Variants in GTPBP10 observed in about 807,000 individuals in gnomAD.
The protein encoded by GTPBP10 is GTP binding protein 10.
GTPBP10 carries 38 observed loss-of-function variants against 44.8 expected under a neutral mutation model. The observed-to-expected ratio is 0.85, with a 90% CI of 0.65 to 1.11. The LOEUF is 1.11. Among genes scored for constraint, GTPBP10 ranks in the 50% most tolerant of loss-of-function variants. The pLI, the probability that GTPBP10 is intolerant of heterozygous loss-of-function variation, is 0.00. For missense variants in GTPBP10, 462 were observed against 453.7 expected (o/e 1.02, Z -0.17); for synonymous variants, 152 against 150.6 (o/e 1.01, Z -0.07).
At chr7:90,359,948 T>C (rs1439941758) in intron 4 of GTPBP10, among the ~76,000 whole-genome samples, 1 of 152,228 alleles carries the variant, frequency 6.6e-6, no homozygotes, top group Non-Finnish European at 1.5e-5. Flanking sequence ...TTTTGAGAAG[T>C]GTCTGTTCAT....
intron 4 of GTPBP10, among the ~76,000 whole-genome samples, chr7:90,367,942 T>C (rs1796170017): frequency 6.6e-6 from 1 of 152,260 alleles, no homozygotes; most frequent in Non-Finnish European, 1.5e-5. Context: ...CCATGTTTAG[T>C]GCTTCCTTTA....
At chr7:90,360,137 A>C (rs556359903) in intron 4 of GTPBP10, among the ~76,000 whole-genome samples, 164 of 151,990 alleles carry the variant, frequency 1.1e-3, no homozygotes, top group African/African-American at 3.7e-3. Flanking sequence ...GAAGCTCTTT[A>C]GTTTAATTAG....
intron 4 of GTPBP10, among the ~76,000 whole-genome samples, chr7:90,356,676 TTTG>T (rs1452222594): frequency 6.6e-6 from 1 of 152,182 alleles, no homozygotes; most frequent in African/African-American, 2.4e-5. Context: ...ACTATAGTTT[TTTG>T]CTTTTCACCA....
rs934619251 is a variant in GTPBP10, at chr7:90,365,612, G to A, written c.465-6543G>A. On this transcript the variant is annotated intron_variant, in intron 4 of 9. Transcript: ENST00000222511. ...GGGATGGTCTCGATCTCCTGACCTC[G>A]TGATCCGCCCACCTCGGCCTCCCAA... 1.4e-4 allele frequency among the ~76,000 whole-genome samples: 21 copies of A among 152,008 alleles called. No individual in the cohort carries two copies. In the South Asian group the frequency reaches 3.7e-3, roughly 27 times the overall value.
chr7:90,363,174 A>G (rs979890530), intron 4 of GTPBP10, among the ~76,000 whole-genome samples: 11 of 152,160 alleles, frequency 7.2e-5, no homozygotes, highest in Non-Finnish European at 1.3e-4. Context: ...TGGTCCTGTC[A>G]TTATGATGTT....
intron 4 of GTPBP10, among the ~76,000 whole-genome samples, chr7:90,364,613 C>G (rs1254320179): frequency 6.6e-6 from 1 of 152,202 alleles, no homozygotes; most frequent in East Asian, 1.9e-4. Flanking sequence ...TGTCCGTTCT[C>G]AGTTCTCAAA....
intron 7 of GTPBP10, 25 bp downstream of exon 7, chr7:90,377,639 A>C: frequency 7.2e-7 from 1 of 1,384,290 alleles, no homozygotes; most frequent in Non-Finnish European, 9.9e-7. Flanking sequence ...TACTAATGTG[A>C]TATTCAAATA....
rs1195662732 is a variant in GTPBP10, at chr7:90,357,804, G to C, written c.464+2574G>C. Among the ~76,000 whole-genome samples, 4 of 152,042 alleles carry C rather than the reference G, an allele frequency of 2.6e-5. No homozygotes were observed. In the South Asian group the frequency reaches 6.2e-4, roughly 24 times the overall value. The stretch of plus-strand genomic sequence containing the variant: ...CCTAGTACTGTCTTTCATACATGGT[G>C]GGCCTTTCTTGAGGGAAATTTAGCA... On this transcript the variant is annotated intron_variant, in intron 4 of 9. Coordinates refer to ENST00000222511, the MANE Select transcript of GTPBP10 (RefSeq NM_033107.4).
intron 3 of GTPBP10, 30 bp from the exon 4 acceptor site, chr7:90,355,056 G>A: frequency 7.0e-7 from 1 of 1,428,096 alleles, no homozygotes; most frequent in East Asian, 2.4e-5. Flanking sequence ...ATTAATCTTT[G>A]CTGTAAGTAT....
rs1795825665 is a variant in GTPBP10, at chr7:90,353,089, T to G, written c.227+80T>G. The G allele has an allele frequency of 3.5e-6, 3 of 869,364 alleles. No individual in the cohort carries two copies. In the East Asian group the frequency reaches 8.2e-5, roughly 24 times the overall value. The allele number at this position is 869,364 out of a possible 1,614,324, so 53.9% of individuals were successfully genotyped here. A position where few individuals can be genotyped will look rare whatever the true frequency, so the allele number is the denominator to read the frequency against. On this transcript the variant is annotated intron_variant, in intron 2 of 9. Coordinates refer to ENST00000222511, the MANE Select transcript of GTPBP10 (RefSeq NM_033107.4). ...TTTTTTTTAGTTACAAAATAAAAAC[T>G]TAATTGTTAATTTGAAGTAAATTAT...
Position 90,390,855 on chromosome 7 carries a change from T to G in GTPBP10, c.*5701T>G, listed in dbSNP as rs940421827. 1 of 152,152 alleles carries G rather than the reference T, an allele frequency of 6.6e-6. No homozygotes were observed. The highest frequency in any genetic ancestry group is 1.5e-5 in the Non-Finnish European group (1 of 68,016). 9.4% of individuals were successfully genotyped at this position (152,152 alleles called of 1,614,324 possible). Reference sequence around the variant, plus strand: ...TAAGAAGACTATAGTATAATTTTCTTAAGAAAAAAGACATGATTATAAGCT... The same window carrying G: ...TAAGAAGACTATAGTATAATTTTCTGAAGAAAAAAGACATGATTATAAGCT... On this transcript the variant is annotated 3_prime_UTR_variant, in exon 10 of 10. Transcript: ENST00000222511.
At chr7:90,382,338 G>C (rs1796447395) in intron 8 of GTPBP10, among the ~76,000 whole-genome samples, 1 of 152,012 alleles carries the variant, frequency 6.6e-6, no homozygotes, top group Non-Finnish European at 1.5e-5. Context: ...GGCTTGTCTT[G>C]AACTCCTGGG....
At chr7:90,381,045 G>A (rs1796427811) in intron 8 of GTPBP10, among the ~76,000 whole-genome samples, 1 of 152,142 alleles carries the variant, frequency 6.6e-6, no homozygotes, top group South Asian at 2.1e-4. Context: ...GATGGACACT[G>A]AGGTTGATTC....
At chr7:90,348,877 C>G (rs1795735167) in intron 1 of GTPBP10, among the ~76,000 whole-genome samples, 2 of 152,182 alleles carry the variant, frequency 1.3e-5, no homozygotes, top group African/African-American at 2.4e-5. Context: ...GCCAGATTAT[C>G]TAATGTTCGT....
intron 4 of GTPBP10, among the ~76,000 whole-genome samples, chr7:90,357,228 A>C (rs1354496873): frequency 6.6e-6 from 1 of 152,176 alleles, no homozygotes; most frequent in Non-Finnish European, 1.5e-5. Context: ...TTATTCAGTC[A>C]TTAGCATCAT....
intron 4 of GTPBP10, among the ~76,000 whole-genome samples, chr7:90,357,403 CA>C (rs779354618): frequency 1.1e-4 from 16 of 152,044 alleles, no homozygotes. Flanking sequence ...CTGGATGAAA[CA>C]GGGTATGAAA....
chr7:90,349,294 C>T (rs1039541744), intron 1 of GTPBP10, among the ~76,000 whole-genome samples: 4 of 152,124 alleles, frequency 2.6e-5, no homozygotes, highest in African/African-American at 9.7e-5. Flanking sequence ...CGTAGAAAAT[C>T]ATGTTTAATG....
chr7:90,354,607 AATG>A (rs1795858218), intron 3 of GTPBP10, 58 bp downstream of exon 3: 2 of 835,886 alleles, frequency 2.4e-6, no homozygotes, highest in African/African-American at 1.8e-5. Context: ...AAAATGAAAC[AATG>A]GAATAGCTTC....
In GTPBP10 at chr7:90,383,042, G is replaced by A. The variant is rs373493133; in HGVS notation, c.864G>A (p.Lys288=). 108 of 1,593,870 alleles carry A rather than the reference G, an allele frequency of 6.8e-5. No homozygotes were observed. The highest frequency in any genetic ancestry group is 8.9e-5 in the Non-Finnish European group (104 of 1,167,602). The change falls in exon 9 of 10, where the codon AAG becomes AAA. Residue 288 remains lysine (K), a synonymous_variant. Coordinates refer to ENST00000222511, the MANE Select transcript of GTPBP10 (RefSeq NM_033107.4). ...TGGACTTGCCAGATGCCCAAGATAA[G>A]TTCCATGAATTGATGAGCCAGCTCC... ...NKMDLPDAQD[K]FHELMSQLQN...
Sources: allele counts gnomAD v4.1 joint callset (sites outside exome capture counted in the v4.1 genomes callset), GRCh38; gene constraint gnomAD v4.1.1; transcripts MANE v1.5; gene names NCBI Gene and HGNC (gene_info 2026-07-23, HGNC 2026-07-21).